The following FHIT variants were observed in gnomAD, a reference collection of about 807,000 sequenced individuals.
FHIT encodes the protein bis(5'-adenosyl)-triphosphatase.
A neutral mutation model predicts 17.9 loss-of-function variants in FHIT; 19 were observed. The observed-to-expected ratio is 1.06, with a 90% CI of 0.74 to 1.56. The LOEUF (loss-of-function observed/expected upper bound fraction) is 1.56, where lower values mean the gene tolerates loss of function less well. Ranked by LOEUF, FHIT falls within the 40% of genes most tolerant of loss-of-function variation. The pLI is 0.00. For synonymous variants in FHIT, 81 were observed against 69.7 expected (o/e 1.16, Z -0.81); for missense variants, 248 against 189.2 (o/e 1.31, Z -1.82).
intron 5 of FHIT, among the ~76,000 whole-genome samples, chr3:60,373,358 A>G (rs1448505825): frequency 2.0e-5 from 3 of 152,218 alleles, no homozygotes; most frequent in East Asian, 1.9e-4. Flanking sequence ...AGTTCTAGAT[A>G]AATGAAACAG....
intron 5 of FHIT, among the ~76,000 whole-genome samples, chr3:60,377,380 A>G (rs1489016929): frequency 1.3e-5 from 2 of 149,868 alleles, no homozygotes; most frequent in African/African-American, 4.9e-5. Context: ...GATGGTCTCA[A>G]TCTCTTGACC....
intron 8 of FHIT, among the ~76,000 whole-genome samples, chr3:59,834,147 A>G (rs1165559846): frequency 1.3e-5 from 2 of 152,208 alleles, no homozygotes; most frequent in African/African-American, 4.8e-5. Flanking sequence ...TGCAATGGTC[A>G]TGCACATTGG....
At chr3:60,603,976 T>C (rs1553669886) in intron 4 of FHIT, among the ~76,000 whole-genome samples, 2 of 152,126 alleles carry the variant, frequency 1.3e-5, no homozygotes. Context: ...ATAATAATAA[T>C]GGTGACGAAG....
chr3:61,228,070 G>T (rs796235458), intron 1 of FHIT, among the ~76,000 whole-genome samples: 14 of 152,166 alleles, frequency 9.2e-5, no homozygotes, highest in African/African-American at 3.4e-4. Context: ...TAAAAACCAT[G>T]AGAATTAACA....
At chr3:59,791,183 G>T (rs1260246753) in intron 8 of FHIT, among the ~76,000 whole-genome samples, 4 of 152,116 alleles carry the variant, frequency 2.6e-5, no homozygotes, top group Admixed American at 1.3e-4. Flanking sequence ...ACTGGCCTTG[G>T]GATGGGTTCA....
intron 5 of FHIT, among the ~76,000 whole-genome samples, chr3:60,485,601 A>G (rs1026847510): frequency 5.3e-5 from 8 of 150,898 alleles, no homozygotes; most frequent in African/African-American, 9.7e-5. Context: ...GAGCTGAACA[A>G]TGAGAATACA....
intron 4 of FHIT, among the ~76,000 whole-genome samples, chr3:60,576,949 T>TACGCATACAC (rs2037587467): frequency 6.8e-6 from 1 of 146,746 alleles, no homozygotes; most frequent in Non-Finnish European, 1.5e-5. Context: ...TCCATTTGCA[T>TACGCATACAC]ACACACACAC....
intron 2 of FHIT, among the ~76,000 whole-genome samples, chr3:61,179,969 T>C (rs1394033522): frequency 6.6e-6 from 1 of 152,204 alleles, no homozygotes; most frequent in Non-Finnish European, 1.5e-5. Context: ...GTTATGCTTC[T>C]ACAGAAAATT....
chr3:59,957,381 T>C (rs984675882), intron 7 of FHIT, among the ~76,000 whole-genome samples: 5 of 152,334 alleles, frequency 3.3e-5, no homozygotes, highest in Non-Finnish European at 7.4e-5. Flanking sequence ...GGAAATCAAC[T>C]CTGCTGACAC....
intron 8 of FHIT, among the ~76,000 whole-genome samples, chr3:59,880,889 A>C (rs1463859404): frequency 6.6e-6 from 1 of 152,168 alleles, no homozygotes; most frequent in African/African-American, 2.4e-5. Flanking sequence ...TTCTCAGACT[A>C]CATGGAATGA....
chr3:59,764,232 C>G (rs559746275), intron 8 of FHIT, among the ~76,000 whole-genome samples: 10 of 152,316 alleles, frequency 6.6e-5, no homozygotes, highest in Admixed American at 2.0e-4. Context: ...AGCAAGGATG[C>G]AGGCTGACCT....
chr3:60,411,872 C>G (rs1415594015), intron 5 of FHIT, among the ~76,000 whole-genome samples: 2 of 152,052 alleles, frequency 1.3e-5, no homozygotes, highest in African/African-American at 4.8e-5. Context: ...AGGTATGAAT[C>G]TGACTTTTCT....
At chr3:60,473,744 C>A (rs1166768467) in intron 5 of FHIT, among the ~76,000 whole-genome samples, 2 of 152,062 alleles carry the variant, frequency 1.3e-5, no homozygotes, top group Non-Finnish European at 2.9e-5. Context: ...CACAGTGAAA[C>A]CCCGTCTCTA....
chr3:61,139,860 C>T (rs1343824354), intron 2 of FHIT, among the ~76,000 whole-genome samples: 1 of 152,038 alleles, frequency 6.6e-6, no homozygotes, highest in Admixed American at 6.5e-5. Flanking sequence ...CATCACTGAG[C>T]ACAGTCATTT....
intron 4 of FHIT, among the ~76,000 whole-genome samples, chr3:60,614,874 G>C (rs1395324244): frequency 7.8e-6 from 1 of 128,360 alleles, no homozygotes; most frequent in African/African-American, 2.9e-5. Context: ...TCTGTCGCCA[G>C]ACTGGAGTGC....
intron 2 of FHIT, among the ~76,000 whole-genome samples, chr3:61,131,549 A>G (rs775545661): frequency 3.3e-5 from 5 of 152,202 alleles, no homozygotes; most frequent in African/African-American, 4.8e-5. Context: ...GACTGCGTGG[A>G]TGGGCACTGG....
chr3:60,225,377 A>G (rs760166171), intron 5 of FHIT, among the ~76,000 whole-genome samples: 8 of 152,218 alleles, frequency 5.3e-5, no homozygotes, highest in Non-Finnish European at 1.2e-4. Flanking sequence ...TTGTGAGATC[A>G]ATGATACACC....
intron 4 of FHIT, among the ~76,000 whole-genome samples, chr3:60,693,869 T>C (rs1553700004): frequency 6.6e-6 from 1 of 152,192 alleles, no homozygotes. Flanking sequence ...ATTGTTCTGG[T>C]GGCATAGCTC....
At position 60,571,335 on chromosome 3, in the gene FHIT, CAAAAAAAAAAA is replaced by C. The variant is rs56094072; in HGVS notation, c.-17-34367_-17-34357del. Among the ~76,000 whole-genome samples the C allele has an allele frequency of 6.4e-4, 35 of 54,674 alleles. 1 individual carries two copies. In the South Asian group the frequency reaches 0.021, roughly 33 times the overall value. The allele number at this position is 54,674 out of a possible 152,430, so 35.9% of individuals were successfully genotyped here. ...TGGGCAACAGGGCAAGACTCCATCG[CAAAAAAAAAAA>C]AAAAAAAAAAAAAAAAAGAACAATG... On this transcript the variant is annotated intron_variant, in intron 4 of 9. Transcript: ENST00000492590.
Sources: allele counts gnomAD v4.1 joint callset (sites outside exome capture counted in the v4.1 genomes callset), GRCh38; gene constraint gnomAD v4.1.1; transcripts MANE v1.5; gene names NCBI Gene and HGNC (gene_info 2026-07-23, HGNC 2026-07-21).